The following AGBL4 variants were observed in gnomAD, a reference collection of about 807,000 sequenced individuals.
AGBL4 encodes cytosolic carboxypeptidase 6.
Under a neutral mutation model 66.4 loss-of-function variants are expected in AGBL4, and 58 were observed. That is an observed-to-expected ratio of 0.87 (90% CI 0.71 to 1.09). The LOEUF (loss-of-function observed/expected upper bound fraction) is 1.09, where lower values mean the gene tolerates loss of function less well. Among genes scored for constraint, AGBL4 ranks in the 50% least tolerant of loss-of-function variants. The pLI is 0.00. For synonymous variants in AGBL4, 234 were observed against 222.9 expected, an observed-to-expected ratio of 1.05 and a Z score of -0.44; for missense variants, 579 against 631.0, an observed-to-expected ratio of 0.92 and a Z score of 0.88.
intron 2 of AGBL4, among the ~76,000 whole-genome samples, chr1:49,798,560 T>C (rs1294279646): frequency 6.6e-6 from 1 of 152,222 alleles, no homozygotes; most frequent in African/African-American, 2.4e-5. Flanking sequence ...AGTTTGATTG[T>C]TGAAGAATAT....
chr1:48,808,335 C>A (rs1380222317), intron 6 of AGBL4, among the ~76,000 whole-genome samples: 1 of 152,196 alleles, frequency 6.6e-6, no homozygotes, highest in African/African-American at 2.4e-5. Context: ...TTATTTCCCA[C>A]AATAAACCTG....
intron 3 of AGBL4, among the ~76,000 whole-genome samples, chr1:49,388,370 C>CAA (rs199991221): frequency 6.7e-6 from 1 of 150,344 alleles, no homozygotes; most frequent in Admixed American, 6.6e-5. Flanking sequence ...ACTTAATGTA[C>CAA]AAAAAAAAAT....
intron 3 of AGBL4, among the ~76,000 whole-genome samples, chr1:49,693,306 G>A (rs915976506): frequency 3.3e-5 from 5 of 151,856 alleles, no homozygotes; most frequent in Admixed American, 3.3e-4. Flanking sequence ...ATAAAATTTG[G>A]GTAACATTTC....
At chr1:49,019,554 A>G (rs1663081925) in intron 5 of AGBL4, among the ~76,000 whole-genome samples, 1 of 152,238 alleles carries the variant, frequency 6.6e-6, no homozygotes, top group South Asian at 2.1e-4. Flanking sequence ...GTAACCAGGT[A>G]AATACCAAAT....
At chr1:49,713,854 T>G (rs567219225) in intron 2 of AGBL4, among the ~76,000 whole-genome samples, 26 of 152,080 alleles carry the variant, frequency 1.7e-4, no homozygotes, top group Non-Finnish European at 3.1e-4. Flanking sequence ...AGACACAAAC[T>G]CCTGAGTTCA....
chr1:48,713,183 G>C (rs963763244), intron 6 of AGBL4, among the ~76,000 whole-genome samples: 9 of 152,192 alleles, frequency 5.9e-5, no homozygotes, highest in Non-Finnish European at 1.0e-4. Flanking sequence ...AGAGAATTCA[G>C]CAAAGTGAGC....
chr1:49,171,339 G>A (rs1477273812), intron 4 of AGBL4, among the ~76,000 whole-genome samples: 1 of 152,156 alleles, frequency 6.6e-6, no homozygotes, highest in East Asian at 1.9e-4. Context: ...CTGTTTCCAT[G>A]TGTGTGGGTT....
At chr1:48,588,356 G>T (rs1189055303) in intron 10 of AGBL4, among the ~76,000 whole-genome samples, 1 of 152,176 alleles carries the variant, frequency 6.6e-6, no homozygotes, top group African/African-American at 2.4e-5. Context: ...TCAAAGACAT[G>T]CTCTACTACC....
At chr1:49,764,318 G>A (rs1400925530) in intron 2 of AGBL4, among the ~76,000 whole-genome samples, 4 of 152,062 alleles carry the variant, frequency 2.6e-5, no homozygotes, top group Admixed American at 6.5e-5. Context: ...TAGCCCTCCC[G>A]AATGAAAGGT....
chr1:48,817,980 C>T (rs1010613425), intron 6 of AGBL4: 1 of 697,222 alleles, frequency 1.4e-6, no homozygotes, highest in Non-Finnish European at 2.7e-6. Context: ...GCCTCAGTGA[C>T]TTCTTAAGCA....
At chr1:48,789,472 G>T (rs986994022) in intron 6 of AGBL4, among the ~76,000 whole-genome samples, 1 of 151,930 alleles carries the variant, frequency 6.6e-6, no homozygotes, top group African/African-American at 2.4e-5. Context: ...TGTATTTTTA[G>T]TAGAGACAGG....
intron 3 of AGBL4, among the ~76,000 whole-genome samples, chr1:49,432,188 A>G (rs1053162948): frequency 2.6e-5 from 4 of 152,226 alleles, no homozygotes; most frequent in African/African-American, 9.6e-5. Flanking sequence ...GAGGCTCCAG[A>G]GGAAGGTCTT....
chr1:49,358,461 C>G lies in AGBL4; in HGVS notation c.283-112597G>C, dbSNP rs193136685. 5.9e-5 allele frequency among the ~76,000 whole-genome samples: 9 copies of G among 152,192 alleles called. No homozygotes were observed. In the East Asian group the frequency reaches 1.7e-3, roughly 29 times the overall value. ...GTCTGGTGAGTAACTCCAACCTTCT[C>G]CCTGTAACCTTCTTTCCTAGTCTGT... is the stretch of plus-strand genomic sequence containing the variant. On this transcript the variant is annotated intron_variant, in intron 3 of 13. Transcript: ENST00000371839.
intron 3 of AGBL4, among the ~76,000 whole-genome samples, chr1:49,394,855 G>A: frequency 6.6e-6 from 1 of 152,064 alleles, no homozygotes; most frequent in East Asian, 1.9e-4. Flanking sequence ...AGTTGATCCT[G>A]GACCCACAGC....
At chr1:49,099,781 G>A (rs568729687) in intron 4 of AGBL4, among the ~76,000 whole-genome samples, 4 of 152,210 alleles carry the variant, frequency 2.6e-5, no homozygotes, top group African/African-American at 9.6e-5. Flanking sequence ...GCAAGAAGAA[G>A]AGAGGCTGTT....
intron 4 of AGBL4, among the ~76,000 whole-genome samples, chr1:49,094,996 C>T (rs1645069052): frequency 6.6e-6 from 1 of 152,112 alleles, no homozygotes; most frequent in South Asian, 2.1e-4. Context: ...TCTCAGGATA[C>T]AAAATCAATG....
chr1:48,554,749 G>T (rs1363303939), intron 11 of AGBL4, among the ~76,000 whole-genome samples: 1 of 152,046 alleles, frequency 6.6e-6, no homozygotes, highest in East Asian at 1.9e-4. Flanking sequence ...GTAGATTTTG[G>T]TATCCTTGTG....
At chr1:48,856,306 G>A (rs1190208094) in intron 6 of AGBL4, among the ~76,000 whole-genome samples, 2 of 152,172 alleles carry the variant, frequency 1.3e-5, no homozygotes, top group Non-Finnish European at 1.5e-5. Flanking sequence ...AAAACTTACT[G>A]TGATTGCAAT....
chr1:48,583,232 C>A (rs1378343067), intron 11 of AGBL4, among the ~76,000 whole-genome samples: 1 of 152,198 alleles, frequency 6.6e-6, no homozygotes, highest in Non-Finnish European at 1.5e-5. Flanking sequence ...GCTATAACAG[C>A]CCTATCTATC....
Sources: gnomAD v4.1 joint callset for allele counts (sites outside exome capture counted in the v4.1 genomes callset) on GRCh38, gnomAD v4.1.1 for gene constraint, MANE v1.5 for transcripts, NCBI Gene and HGNC (gene_info 2026-07-23, HGNC 2026-07-21) for gene names.